Variants in ZNF138 observed in about 807,000 individuals in gnomAD.
ZNF138 encodes the protein zinc finger protein 138 (clone pHZ-32).
A neutral mutation model predicts 33.0 loss-of-function variants in ZNF138; 33 were observed. The observed-to-expected ratio is 1.00, with a 90% CI of 0.76 to 1.34. ZNF138 has a LOEUF of 1.34. ZNF138 is among the 40% of genes most tolerant of loss of function. The pLI is 0.00. For synonymous variants in ZNF138, 139 were observed against 120.4 expected, an observed-to-expected ratio of 1.15 and a Z score of -1.01; for missense variants, 360 against 370.8, an observed-to-expected ratio of 0.97 and a Z score of 0.24.
In ZNF138 at chr7:64,832,290, C is replaced by CT; in HGVS notation, c.*90dup. 1.3e-6 allele frequency: 2 copies of CT among 1,588,956 alleles called. No individual in the cohort carries two copies. The highest frequency in any genetic ancestry group is 1.7e-6 in the Non-Finnish European group (2 of 1,169,504). On this transcript the variant is annotated 3_prime_UTR_variant, in exon 4 of 4. Transcript: ENST00000307355. ...CAAAGCCTTTAACCAGTTTTCAACC[C>CT]TTATTACACATAAGATAATTCATAG...
chr7:64,806,755 C>T (rs1787632595), intron 1 of ZNF138, among the ~76,000 whole-genome samples: 1 of 152,330 alleles, frequency 6.6e-6, no homozygotes, highest in African/African-American at 2.4e-5. Flanking sequence ...ACACACTGGA[C>T]ACTATAACCC....
Position 64,804,366 on chromosome 7 carries a change from T to C in ZNF138, c.3+9795T>C, listed in dbSNP as rs573959777. 2.3e-3 allele frequency among the ~76,000 whole-genome samples: 350 copies of C among 152,272 alleles called. 1 individual carries two copies. The highest frequency in any genetic ancestry group is 3.9e-3 in the Non-Finnish European group (263 of 68,024). On this transcript the variant is annotated intron_variant, in intron 1 of 3. Coordinates refer to ENST00000307355, the MANE Select transcript of ZNF138 (RefSeq NM_001271639.2). ...CCTGCTTGCTCAATTGATCACAGCC[T>C]TCTCATGTGGACCCCCTTGGAGTTG...
At chr7:64,797,326 G>A (rs1786768162) in intron 1 of ZNF138, among the ~76,000 whole-genome samples, 2 of 152,104 alleles carry the variant, frequency 1.3e-5, no homozygotes, top group African/African-American at 4.8e-5. Context: ...CGTTTTAAAA[G>A]ATTACATACT....
At chr7:64,808,117 C>T (rs1191907892) in intron 1 of ZNF138, among the ~76,000 whole-genome samples, 2 of 152,202 alleles carry the variant, frequency 1.3e-5, no homozygotes, top group Non-Finnish European at 2.9e-5. Context: ...ACCTAGGCAT[C>T]TCTGAGACAT....
chr7:64,827,298 A>C (rs957209746), intron 3 of ZNF138, among the ~76,000 whole-genome samples: 32 of 150,896 alleles, frequency 2.1e-4, no homozygotes, highest in African/African-American at 7.6e-4. Context: ...CCCAGGCTCG[A>C]GTGCAGTGGC....
chr7:64,830,178 G>A (rs979494761), intron 3 of ZNF138, among the ~76,000 whole-genome samples: 1 of 152,110 alleles, frequency 6.6e-6, no homozygotes, highest in Non-Finnish European at 1.5e-5. Context: ...TTTTCATCTT[G>A]CAGCTCCCAA....
intron 1 of ZNF138, among the ~76,000 whole-genome samples, chr7:64,804,180 C>T (rs1025941837): frequency 1.3e-5 from 2 of 152,252 alleles, no homozygotes; most frequent in Non-Finnish European, 2.9e-5. Flanking sequence ...GCAGACAGCC[C>T]GGCGCCACAC....
At chr7:64,846,994 G>A in the ZNF138 span, among the ~76,000 whole-genome samples, 3 of 152,128 alleles carry the variant, frequency 2.0e-5, no homozygotes, top group Non-Finnish European at 4.4e-5. Context: ...TTTGTCAAAT[G>A]CTTTATCTGC....
intron 1 of ZNF138, among the ~76,000 whole-genome samples, chr7:64,812,087 G>A (rs760088254): frequency 6.6e-6 from 1 of 151,284 alleles, no homozygotes; most frequent in African/African-American, 2.4e-5. Context: ...TTTTAATTAA[G>A]TTCCTCCTGT....
downstream of ZNF138, among the ~76,000 whole-genome samples, chr7:64,838,238 G>A (rs947460905): frequency 1.1e-4 from 16 of 152,210 alleles, no homozygotes; most frequent in African/African-American, 2.9e-4. Context: ...GAGACACAGC[G>A]GCCGCTCCGA....
intron 1 of ZNF138, among the ~76,000 whole-genome samples, chr7:64,806,631 A>T (rs1263507317): frequency 6.6e-6 from 1 of 152,194 alleles, no homozygotes; most frequent in Non-Finnish European, 1.5e-5. Flanking sequence ...ACAAGGCTCA[A>T]AGAGACATTA....
the ZNF138 span, among the ~76,000 whole-genome samples, chr7:64,849,409 C>T: frequency 6.6e-6 from 1 of 152,140 alleles, no homozygotes; most frequent in Admixed American, 6.5e-5. Context: ...TATTTTTGTA[C>T]TCGTTGGCTA....
chr7:64,798,001 C>T (rs921757737), intron 1 of ZNF138, among the ~76,000 whole-genome samples: 1 of 152,056 alleles, frequency 6.6e-6, no homozygotes, highest in Non-Finnish European at 1.5e-5. Context: ...AGTGCAGTGG[C>T]TGGATATCAC....
In ZNF138 at chr7:64,794,438, A is replaced by C. The variant is rs532723703; in HGVS notation, c.-131A>C. ...GGCGGCGGGGTCTTTGTCTCGCTGC[A>C]GCGGGTGCTGCAGGTCTGGCCTTCA... On this transcript the variant is annotated 5_prime_UTR_variant, in exon 1 of 4. Transcript: ENST00000307355. 15 of 1,373,302 alleles carry C rather than the reference A, an allele frequency of 1.1e-5. No individual in the cohort carries two copies. The East Asian group carries it at 3.2e-4, about 29-fold the overall frequency. The allele number at this position is 1,373,302 out of a possible 1,614,324, so 85.1% of individuals were successfully genotyped here. A position where few individuals can be genotyped will look rare whatever the true frequency, so the allele number is the denominator to read the frequency against.
At chr7:64,806,799 G>A (rs1053493332) in intron 1 of ZNF138, among the ~76,000 whole-genome samples, 2 of 152,212 alleles carry the variant, frequency 1.3e-5, no homozygotes, top group African/African-American at 4.8e-5. Context: ...TATCCAATTA[G>A]TAATGTTATT....
rs1470381521 is a variant in ZNF138, at chr7:64,832,247, C to CA, written c.*48dup. ...AAATTTACACTAGAGAGAAAGCCTA[C>CA]AAATGTGAAGAATGTGGCAAAGCCT... On this transcript the variant is annotated 3_prime_UTR_variant, in exon 4 of 4. Coordinates refer to ENST00000307355, the MANE Select transcript of ZNF138 (RefSeq NM_001271639.2). The CA allele has an allele frequency of 1.2e-6, 2 of 1,602,510 alleles. No individual in the cohort carries two copies. The highest frequency in any genetic ancestry group is 4.5e-5 in the East Asian group (2 of 44,804).
the ZNF138 span, among the ~76,000 whole-genome samples, chr7:64,839,451 AGAC>A: frequency 6.6e-6 from 1 of 152,094 alleles, no homozygotes; most frequent in Non-Finnish European, 1.5e-5. Context: ...CTTCAGACAC[AGAC>A]GTCTCTGAGT....
chr7:64,799,703 G>A (rs958747500), intron 1 of ZNF138, among the ~76,000 whole-genome samples: 9 of 152,114 alleles, frequency 5.9e-5, no homozygotes, highest in African/African-American at 2.2e-4. Flanking sequence ...GAGTGCAATG[G>A]TGCAATCTTG....
At chr7:64,839,998 G>A in the ZNF138 span, among the ~76,000 whole-genome samples, 1 of 152,058 alleles carries the variant, frequency 6.6e-6, no homozygotes, top group East Asian at 1.9e-4. Context: ...GGCGGGGTAG[G>A]GGCGGGGTCG....
Sources: gnomAD v4.1 joint callset for allele counts (sites outside exome capture counted in the v4.1 genomes callset) on GRCh38, gnomAD v4.1.1 for gene constraint, MANE v1.5 for transcripts, NCBI Gene and HGNC (gene_info 2026-07-23, HGNC 2026-07-21) for gene names.